The following PCDHA5 variants were observed in gnomAD, a reference collection of about 807,000 sequenced individuals.
PCDHA5 encodes protocadherin alpha 5.
A neutral mutation model predicts 61.6 loss-of-function variants in PCDHA5; 43 were observed. The observed-to-expected ratio is 0.70, with a 90% CI of 0.55 to 0.90. The LOEUF (loss-of-function observed/expected upper bound fraction) is 0.90. Among genes scored for constraint, PCDHA5 ranks in the 40% least tolerant of loss-of-function variants. The probability of loss-of-function intolerance (pLI) is 0.00; values close to 1 mark genes in which losing one functional copy is unlikely to be tolerated. For missense variants in PCDHA5, 1,298 were observed against 1,222.7 expected (o/e 1.06, Z -0.92); for synonymous variants, 627 against 543.9 (o/e 1.15, Z -2.13).
intron 1 of PCDHA5, chr5:140,881,421 C>G: frequency 1.1e-6 from 1 of 907,614 alleles, no homozygotes; most frequent in South Asian, 5.1e-5. Context: ...GATATTAGTT[C>G]CAGGCATATT....
intron 3 of PCDHA5, among the ~76,000 whole-genome samples, chr5:140,995,684 A>T (rs2097694657): frequency 6.6e-6 from 1 of 152,144 alleles, no homozygotes; most frequent in Non-Finnish European, 1.5e-5. Flanking sequence ...ATTTTTTTTA[A>T]TTGTTAAATA....
At chr5:140,857,413 G>A (rs979396078) in intron 1 of PCDHA5, 1 of 1,598,402 alleles carries the variant, frequency 6.3e-7, no homozygotes, top group African/African-American at 1.3e-5. Context: ...CTGCGTTCGC[G>A]CAGTCCGAGT....
intron 1 of PCDHA5, chr5:140,843,282 A>T (rs2150356425): frequency 6.3e-6 from 10 of 1,595,910 alleles, no homozygotes; most frequent in Non-Finnish European, 7.7e-6. Context: ...GTGAAGGATC[A>T]TGGTGAACCT....
intron 1 of PCDHA5, among the ~76,000 whole-genome samples, chr5:140,878,476 A>G (rs1037108551): frequency 6.6e-6 from 1 of 152,204 alleles, no homozygotes; most frequent in Admixed American, 6.5e-5. Flanking sequence ...TCATTTCTCA[A>G]TTTAAAAATA....
intron 1 of PCDHA5, among the ~76,000 whole-genome samples, chr5:140,972,660 A>ATT (rs11350929): frequency 4.2e-4 from 49 of 117,232 alleles, no homozygotes; most frequent in Non-Finnish European, 5.7e-4. Context: ...AAGAAACCAA[A>ATT]TTTTTTTTTT....
intron 1 of PCDHA5, among the ~76,000 whole-genome samples, chr5:140,832,335 G>T (rs1771931725): frequency 1.3e-5 from 2 of 152,204 alleles, no homozygotes; most frequent in African/African-American, 2.4e-5. Flanking sequence ...AGAGGACTGA[G>T]TTGTGGTTTG....
At chr5:140,926,703 C>A in intron 1 of PCDHA5, 2 of 835,416 alleles carry the variant, frequency 2.4e-6, no homozygotes, top group Non-Finnish European at 3.4e-6. Context: ...CGGCTCCCAG[C>A]TGGCCAGCCC....
At chr5:140,897,009 A>G (rs550757061) in intron 1 of PCDHA5, among the ~76,000 whole-genome samples, 6 of 152,292 alleles carry the variant, frequency 3.9e-5, no homozygotes, top group African/African-American at 9.6e-5. Context: ...ATTTTTAAAT[A>G]TACAACTAAA....
intron 1 of PCDHA5, chr5:140,968,689 A>T: frequency 2.5e-6 from 4 of 1,614,124 alleles, no homozygotes; most frequent in Non-Finnish European, 3.4e-6. Context: ...ACACAGGAGA[A>T]ATTAGGACTA....
chr5:140,966,698 G>C, intron 1 of PCDHA5: 2 of 1,363,568 alleles, frequency 1.5e-6, no homozygotes, highest in Non-Finnish European at 1.9e-6. Flanking sequence ...CGGGGCCCGG[G>C]CGTGGGGCAC....
At chr5:140,909,519 T>C (rs975700982) in intron 1 of PCDHA5, among the ~76,000 whole-genome samples, 4 of 152,214 alleles carry the variant, frequency 2.6e-5, no homozygotes, top group Non-Finnish European at 4.4e-5. Context: ...TCACAACCCC[T>C]GCACATTTTG....
intron 1 of PCDHA5, chr5:140,862,484 G>A (rs2047390468): frequency 2.6e-6 from 1 of 382,510 alleles, no homozygotes; most frequent in Non-Finnish European, 5.2e-6. Context: ...TCCATTGTTG[G>A]TAATCGCTCG....
chr5:140,835,666 G>T, intron 1 of PCDHA5: 1 of 1,613,936 alleles, frequency 6.2e-7, no homozygotes, highest in Non-Finnish European at 8.5e-7. Context: ...GTTACCGCGC[G>T]GGACGGGGGC....
Position 140,822,572 on chromosome 5 carries a change from C to G in PCDHA5, c.797C>G (p.Ser266Ter), listed in dbSNP as rs2150117357. The G allele has an allele frequency of 9.3e-6, 15 of 1,612,554 alleles. No homozygotes were observed. Among genetic ancestry groups the G allele is most frequent in the Non-Finnish European group, 1.3e-5 (15 of 1,178,742 alleles). Residue 266 changes from serine to a stop codon, truncating the protein, a stop_gained, in exon 1 of 4, where the codon TCA becomes TGA. Transcript: ENST00000529859. LOFTEE classifies it high-confidence loss of function. ...ACATTAGTTATTAAACTGAACGCCT[C>G]AGATGCAGATGAGGGCATCAATAAG... Reference protein sequence around the residue: ...SGTLVIKLNASDADEGINKEI... With the variant: ...SGTLVIKLNA
At chr5:140,870,671 A>T in intron 1 of PCDHA5, 1 of 1,612,606 alleles carries the variant, frequency 6.2e-7, no homozygotes, top group Non-Finnish European at 8.5e-7. Context: ...CAGCCGTTGG[A>T]CCACGAGGAG....
chr5:140,946,611 A>AATATATATATATATATATAT lies in PCDHA5; in HGVS notation c.2353-32336_2353-32317dup, dbSNP rs1554217734. On this transcript the variant is annotated intron_variant, in intron 1 of 3. Transcript: ENST00000529859. ...GGATGAATAGATAAAGAAAATGTGA[A>AATATATATATATATATATAT]ATATATATATATATATATATACAAT... Among the ~76,000 whole-genome samples the AATATATATATATATATATAT allele has an allele frequency of 2.4e-3, 212 of 86,734 alleles. 8 individuals carry two copies. Among genetic ancestry groups the AATATATATATATATATATAT allele is most frequent in the Middle Eastern group, 0.011 (2 of 186 alleles). The allele number at this position is 86,734 out of a possible 152,430, so 56.9% of individuals were successfully genotyped here.
chr5:140,935,242 A>G (rs1054515711), intron 1 of PCDHA5, among the ~76,000 whole-genome samples: 16 of 152,218 alleles, frequency 1.1e-4, no homozygotes, highest in African/African-American at 3.6e-4. Context: ...ATTTTTTAAA[A>G]GATAAAATAC....
intron 1 of PCDHA5, chr5:140,871,192 G>C (rs1582019516): frequency 6.2e-7 from 1 of 1,613,550 alleles, no homozygotes; most frequent in Non-Finnish European, 8.5e-7. Context: ...GGATGTCAAC[G>C]TGTACCTGAT....
intron 1 of PCDHA5, chr5:140,830,043 T>C: frequency 6.2e-7 from 1 of 1,613,664 alleles, no homozygotes; most frequent in South Asian, 1.1e-5. Flanking sequence ...CTGGTGCTGG[T>C]GAAAGACCAC....
Sources: gnomAD v4.1 joint callset for allele counts (sites outside exome capture counted in the v4.1 genomes callset) on GRCh38, gnomAD v4.1.1 for gene constraint, MANE v1.5 for transcripts, NCBI Gene and HGNC (gene_info 2026-07-23, HGNC 2026-07-21) for gene names.